Variants in CLASRP observed in about 807,000 individuals in gnomAD.
The protein encoded by CLASRP is CLK4 associating serine/arginine rich protein, also known as CLK4-associating serine/arginine rich protein.
Under a neutral mutation model 99.9 loss-of-function variants are expected in CLASRP, and 52 were observed. That is an observed-to-expected ratio of 0.52 (90% CI 0.42 to 0.66). CLASRP has a LOEUF of 0.66. CLASRP is among the 30% of genes least tolerant of loss of function. CLASRP has a pLI of 0.00. For missense variants in CLASRP, 848 were observed against 999.2 expected, an observed-to-expected ratio of 0.85 and a Z score of 2.04; for synonymous variants, 379 against 373.0, an observed-to-expected ratio of 1.02 and a Z score of -0.18.
chr19:45,052,206 C>T (rs1204982596), intron 3 of CLASRP, 38 bp downstream of exon 3: 1 of 1,583,308 alleles, frequency 6.3e-7, no homozygotes, highest in South Asian at 1.1e-5. Context: ...TGTCTGAAGT[C>T]TGGGAGTCAA....
Position 45,067,293 on chromosome 19 carries a change from C to T in CLASRP, c.1410-44C>T. On this transcript the variant is annotated intron_variant, in intron 13 of 20. Transcript: ENST00000221455. The surrounding 1 kb of genome is among the most constrained non-coding windows in gnomAD (Gnocchi z 4.9). ...ACCCAGGGTGGGGTGCGGTTGGGGT[C>T]CCTGGAGCCTCACAGTCCTCCTCCC... 6.9e-7 allele frequency: 1 copy of T among 1,458,542 alleles called. No homozygotes were observed. The highest frequency in any genetic ancestry group is 9.0e-7 in the Non-Finnish European group (1 of 1,108,886). The allele number at this position is 1,458,542 out of a possible 1,614,324, so 90.4% of individuals were successfully genotyped here.
rs374302001 is a variant in CLASRP at position 45,063,993 on chromosome 19, T to G, written c.906-19T>G. The G allele has an allele frequency of 1.6e-4, 255 of 1,592,460 alleles. No homozygotes were observed. Among genetic ancestry groups the G allele is most frequent in the Non-Finnish European group, 1.9e-4 (223 of 1,169,406 alleles). ...CTCCGGGAGCCTGAGCTAGTGAGCC[T>G]CCTCCTCCCTACCCGCAGGTCACCC... On this transcript the variant is annotated intron_variant, in intron 11 of 20. Transcript: ENST00000221455.
At position 45,060,315 on chromosome 19, in the gene CLASRP, G is replaced by A. The variant is rs549321711; in HGVS notation, c.711-74G>A. On this transcript the variant is annotated intron_variant, in intron 8 of 20. Coordinates refer to ENST00000221455, the MANE Select transcript of CLASRP (RefSeq NM_007056.3). The surrounding 1 kb of genome is among the most constrained non-coding windows in gnomAD (Gnocchi z 4.6). ...GTGACTCAGGTCCCTCACTTTCTCTGATGACTCAGTCTGTGTCCTCCTTAC... is the reference window on the plus strand; with the variant it reads ...GTGACTCAGGTCCCTCACTTTCTCTAATGACTCAGTCTGTGTCCTCCTTAC... 5 of 1,387,148 alleles carry A rather than the reference G, an allele frequency of 3.6e-6. No homozygotes were observed. 85.9% of individuals were successfully genotyped at this position (1,387,148 alleles called of 1,614,324 possible). A position where few individuals can be genotyped will look rare whatever the true frequency, so the allele number is the denominator to read the frequency against.
Position 45,068,415 on chromosome 19 carries a change from C to T in CLASRP, c.1708-5C>T, listed in dbSNP as rs1483299169. 6.2e-7 allele frequency: 1 copy of T among 1,604,332 alleles called. No homozygotes were observed. The stretch of plus-strand genomic sequence containing the variant: ...CCTCTCCCGCCTCTTCTCCCCCCTC[C>T]CCAGCCCAAGCTGACGCCTCAGGAG... On this transcript the variant is annotated splice_polypyrimidine_tract_variant and splice_region_variant and intron_variant, in intron 15 of 20. Coordinates refer to ENST00000221455, the MANE Select transcript of CLASRP (RefSeq NM_007056.3).
At chr19:45,068,644 C>T (rs528826969) in intron 16 of CLASRP, among the ~76,000 whole-genome samples, 164 bp downstream of exon 16, 7 of 152,192 alleles carry the variant, frequency 4.6e-5, no homozygotes, top group East Asian at 1.9e-4. Context: ...GCTCCGCTGC[C>T]GCTATGCTGG....
At chr19:45,052,439 A>G (rs1373958159) in intron 3 of CLASRP, among the ~76,000 whole-genome samples, 1 of 152,212 alleles carries the variant, frequency 6.6e-6, no homozygotes, top group Non-Finnish European at 1.5e-5. Flanking sequence ...AGCAGAGAGT[A>G]GGTTGCCAGA....
rs771142820 is a variant in CLASRP at position 45,067,646 on chromosome 19, G to T, written c.1667+52G>T. 13 of 1,488,476 alleles carry T rather than the reference G, an allele frequency of 8.7e-6. No homozygotes were observed. The Admixed American group carries it at 2.1e-4, about 24-fold the overall frequency. 92.2% of individuals were successfully genotyped at this position (1,488,476 alleles called of 1,614,324 possible). On this transcript the variant is annotated intron_variant, in intron 14 of 20. Transcript: ENST00000221455. This position sits in a 1 kb window ranked among gnomAD's most constrained non-coding sequence, Gnocchi z 4.9. ...GGGCTGCCAATCTCGGGTGGGGAGG[G>T]TGAACATCACTGTTTTCTTTTTGAG...
chr19:45,051,968 A>C, intron 2 of CLASRP, 103 bp from the exon 3 acceptor site: 1 of 407,366 alleles, frequency 2.5e-6, no homozygotes, highest in Non-Finnish European at 4.1e-6. Flanking sequence ...GCTCCATCTC[A>C]AAAAAAAAAA....
At position 45,060,787 on chromosome 19, in the gene CLASRP, G is replaced by A. The variant is rs1966922371; in HGVS notation, c.863+160G>A. Among the ~76,000 whole-genome samples, 1 of 152,200 alleles carries A rather than the reference G, an allele frequency of 6.6e-6. No homozygotes were observed. The highest frequency in any genetic ancestry group is 1.5e-5 in the Non-Finnish European group (1 of 68,022). On this transcript the variant is annotated intron_variant, in intron 10 of 20. Transcript: ENST00000221455. The surrounding 1 kb of genome is among the most constrained non-coding windows in gnomAD (Gnocchi z 4.6). ...ATCGTGAAGGTTTAGAGGTAGGAAC[G>A]GCCTTGAGGGCCATGTGGACTCCTT...
chr19:45,070,871 C>T lies in CLASRP; in HGVS notation c.*26C>T. 2 of 932,942 alleles carry T rather than the reference C, an allele frequency of 2.1e-6. No individual in the cohort carries two copies. Among genetic ancestry groups the T allele is most frequent in the Middle Eastern group, 2.2e-4 (1 of 4,466 alleles). The allele number at this position is 932,942 out of a possible 1,614,324, so 57.8% of individuals were successfully genotyped here. A position where few individuals can be genotyped will look rare whatever the true frequency, so the allele number is the denominator to read the frequency against. ...GCAGAAGAGTGGGGGGTGGGGAGGA[C>T]AAGGGGGTGGGTAAGGGGCTCAAGC... is the stretch of plus-strand genomic sequence containing the variant. On this transcript the variant is annotated 3_prime_UTR_variant, in exon 21 of 21. Coordinates refer to ENST00000221455, the MANE Select transcript of CLASRP (RefSeq NM_007056.3).
intron 2 of CLASRP, among the ~76,000 whole-genome samples, chr19:45,042,847 C>A (rs547689737): frequency 1.3e-5 from 2 of 152,076 alleles, no homozygotes; most frequent in Admixed American, 1.3e-4. Flanking sequence ...GAACTCCCGA[C>A]CTCAAGTGAT....
At chr19:45,042,735 A>G (rs181786125) in intron 2 of CLASRP, among the ~76,000 whole-genome samples, 9 of 151,780 alleles carry the variant, frequency 5.9e-5, no homozygotes, top group East Asian at 1.9e-4. Flanking sequence ...GCCTCACTCA[A>G]CCTCCTGAGT....
chr19:45,059,224 C>T, intron 7 of CLASRP, 44 bp from the exon 8 acceptor site: 3 of 1,535,726 alleles, frequency 2.0e-6, no homozygotes, highest in South Asian at 1.2e-5. Context: ...CTCCCCTGTC[C>T]TCTCGCTCGG....
intron 2 of CLASRP, among the ~76,000 whole-genome samples, chr19:45,049,403 G>A (rs1971980813): frequency 1.3e-5 from 2 of 152,202 alleles, no homozygotes; most frequent in Non-Finnish European, 2.9e-5. Context: ...AGCATGAGTA[G>A]CTGGACTCCA....
chr19:45,052,875 C>A lies in CLASRP; in HGVS notation c.282C>A (p.Pro94=), dbSNP rs141761715. The change falls in exon 4 of 21, where the codon CCC becomes CCA. Residue 94 remains proline, a synonymous_variant. Coordinates refer to ENST00000221455, the MANE Select transcript of CLASRP (RefSeq NM_007056.3). ...TGGACCACATCCCCGACTACACCCC[C>A]CCTCTGCTCACCACCATGTAAGCCA... ...AHLDHIPDYT[P]PLLTTISPEQ... is the part of the protein sequence containing the mutation. 7.5e-6 allele frequency: 12 copies of A among 1,610,330 alleles called. No homozygotes were observed. Among genetic ancestry groups the A allele is most frequent in the African/African-American group, 1.3e-5 (1 of 74,668 alleles).
At chr19:45,068,865 C>T (rs1382843760) in intron 16 of CLASRP, among the ~76,000 whole-genome samples, 1 of 152,128 alleles carries the variant, frequency 6.6e-6, no homozygotes, top group Non-Finnish European at 1.5e-5. Flanking sequence ...TTGGTGGGCG[C>T]CTGTAGTCCC....
At chr19:45,040,050 C>G in intron 1 of CLASRP, 134 bp from the exon 2 acceptor site, 1 of 562,542 alleles carries the variant, frequency 1.8e-6, no homozygotes, top group Non-Finnish European at 3.2e-6. Context: ...TGTTCTGCAG[C>G]TTCACTTCTG....
At chr19:45,053,275 C>T (rs1327159411) in intron 5 of CLASRP, 98 bp downstream of exon 5, 2 of 1,189,242 alleles carry the variant, frequency 1.7e-6, no homozygotes, top group Non-Finnish European at 2.5e-6. Context: ...CACATACTTT[C>T]TACTAAAGGG....
Position 45,069,877 on chromosome 19 carries a change from G to T in CLASRP, c.1875-145G>T, listed in dbSNP as rs369652596. The T allele has an allele frequency of 6.7e-6, 4 of 597,972 alleles. No individual in the cohort carries two copies. The Admixed American group carries it at 1.1e-4, about 17-fold the overall frequency. The allele number at this position is 597,972 out of a possible 1,614,324, so 37.0% of individuals were successfully genotyped here. A position where few individuals can be genotyped will look rare whatever the true frequency, so the allele number is the denominator to read the frequency against. On this transcript the variant is annotated intron_variant, in intron 18 of 20. Coordinates refer to ENST00000221455, the MANE Select transcript of CLASRP (RefSeq NM_007056.3). ...CAGCTGGGGTCCCTCTGAACCTGGG[G>T]CTCCCTTTCCAAGCGGGGATTGGTG...
Sources: allele counts gnomAD v4.1 joint callset (sites outside exome capture counted in the v4.1 genomes callset), GRCh38; gene constraint gnomAD v4.1.1; non-coding constraint Gnocchi (gnomAD v3.1); transcripts MANE v1.5; gene names NCBI Gene and HGNC (gene_info 2026-07-23, HGNC 2026-07-21).